The following MPRIP variants were observed in gnomAD, a reference collection of about 807,000 sequenced individuals.
MPRIP encodes myosin phosphatase Rho-interacting protein.
In MPRIP, 59 loss-of-function variants were observed where a neutral mutation model predicts 234.9. That is an observed-to-expected ratio of 0.25 (90% CI 0.20 to 0.31). The LOEUF (loss-of-function observed/expected upper bound fraction) is 0.31. Among genes scored for constraint, MPRIP ranks in the 10% least tolerant of loss-of-function variants. The probability of loss-of-function intolerance (pLI) is 1.00; values close to 1 mark genes in which losing one functional copy is unlikely to be tolerated. For synonymous variants in MPRIP, 1,144 were observed against 1,263.9 expected (o/e 0.91, Z 2.01); for missense variants, 2,436 against 3,071.0 (o/e 0.79, Z 4.89).
intron 23 of MPRIP, chr17:17,180,743 A>T: frequency 7.1e-7 from 1 of 1,407,680 alleles, no homozygotes. Flanking sequence ...TGGTTACTTT[A>T]TTTCAATTCA....
chr17:17,166,275 G>A lies in MPRIP; in HGVS notation c.4684G>A (p.Val1562Met). ...GTCTGAGTTGACAGAGCAGGAGCAG[G>A]TGAGGCTTCTTTCTGACCAGATTGC... ...SQSELTEQEQVRLLSDQIALE... is the reference protein window; with the variant it reads ...SQSELTEQEQMRLLSDQIALE... The change falls in exon 16 of 24, where the codon GTG becomes ATG. Residue 1562 changes from valine (V) to methionine (M), a missense_variant. This residue lies in a region of MPRIP where 1,998 missense variants were observed against 2,520.3 expected (regional missense o/e 0.79). Coordinates refer to ENST00000651222, the MANE Select transcript of MPRIP (RefSeq NM_001364716.4). The surrounding 1 kb of genome is among the most constrained non-coding windows in gnomAD (Gnocchi z 4.4). The A allele has an allele frequency of 1.5e-6, 2 of 1,304,360 alleles. No individual in the cohort carries two copies. Among genetic ancestry groups the A allele is most frequent in the Non-Finnish European group, 1.0e-6 (1 of 988,984 alleles). The allele number at this position is 1,304,360 out of a possible 1,614,324, so 80.8% of individuals were successfully genotyped here.
chr17:17,129,125 T>G (rs1472707514), intron 4 of MPRIP, among the ~76,000 whole-genome samples: 2 of 152,190 alleles, frequency 1.3e-5, no homozygotes, highest in African/African-American at 4.8e-5. Flanking sequence ...TAGAGGAAGT[T>G]GGCAGCTCTT....
At chr17:17,061,510 A>T (rs143830576) in intron 1 of MPRIP, among the ~76,000 whole-genome samples, 8 of 152,330 alleles carry the variant, frequency 5.3e-5, no homozygotes, top group African/African-American at 1.9e-4. Flanking sequence ...CTGCTTATGG[A>T]TCTTTCAGTG....
intron 3 of MPRIP, among the ~76,000 whole-genome samples, chr17:17,089,137 T>C (rs1212486506): frequency 6.6e-6 from 1 of 152,232 alleles, no homozygotes; most frequent in Non-Finnish European, 1.5e-5. Context: ...GGCAGGTGTG[T>C]TTGTTTCCTG....
chr17:17,139,372 C>G (rs1200978204), intron 7 of MPRIP, among the ~76,000 whole-genome samples: 1 of 152,194 alleles, frequency 6.6e-6, no homozygotes, highest in Non-Finnish European at 1.5e-5. Flanking sequence ...ATGACCTGCC[C>G]CCTCAATAAA....
At chr17:17,172,568 C>A in intron 17 of MPRIP, 130 bp from the exon 18 acceptor site, 1 of 671,698 alleles carries the variant, frequency 1.5e-6, no homozygotes, top group East Asian at 2.7e-5. Flanking sequence ...ATGCAAAATC[C>A]AACTGCTGAT....
At chr17:17,070,207 G>C (rs557436819) in intron 1 of MPRIP, among the ~76,000 whole-genome samples, 2 of 151,982 alleles carry the variant, frequency 1.3e-5, no homozygotes, top group South Asian at 2.1e-4. Flanking sequence ...TTGTCTTTTA[G>C]GTTTTTCTTT....
At chr17:17,160,428 G>A (rs771551176) in intron 14 of MPRIP, among the ~76,000 whole-genome samples, 1 of 152,214 alleles carries the variant, frequency 6.6e-6, no homozygotes, top group African/African-American at 2.4e-5. Context: ...CAGCACCCTG[G>A]GCGGCACTGG....
intron 3 of MPRIP, among the ~76,000 whole-genome samples, chr17:17,106,634 G>A (rs144305003): frequency 1.0e-3 from 157 of 152,330 alleles, no homozygotes; most frequent in African/African-American, 3.5e-3. Flanking sequence ...GGAGAGATCC[G>A]GGATGCAGAG....
rs2046339423 is a variant in MPRIP at position 17,180,035 on chromosome 17, T to C, written c.7153T>C (p.Leu2385=). ...IMKSKSNPDF[L]KKDRSCVTRQ... is the part of the protein sequence containing the mutation. ...GAAATCTAAAAGCAACCCTGACTTC[T>C]TGAAGAAAGACAGATCCTGTGTCAC... The change falls in exon 23 of 24, where the codon TTG becomes CTG. Residue 2385 remains leucine (L), a synonymous_variant. Coordinates refer to ENST00000651222, the MANE Select transcript of MPRIP (RefSeq NM_001364716.4). 2 of 1,596,350 alleles carry C rather than the reference T, an allele frequency of 1.3e-6. No homozygotes were observed. Among genetic ancestry groups the C allele is most frequent in the Non-Finnish European group, 1.7e-6 (2 of 1,175,248 alleles).
chr17:17,174,593 T>C (rs2046214603), intron 19 of MPRIP, among the ~76,000 whole-genome samples: 1 of 152,130 alleles, frequency 6.6e-6, no homozygotes, highest in Admixed American at 6.5e-5. Context: ...TCCCAGCGCT[T>C]TGGGAGGCCA....
At position 17,141,120 on chromosome 17, in the gene MPRIP, G is replaced by C. The variant is rs375226335; in HGVS notation, c.1251-1507G>C. Among the ~76,000 whole-genome samples the C allele has an allele frequency of 9.2e-5, 14 of 152,318 alleles. No individual in the cohort carries two copies. The East Asian group carries it at 2.5e-3, about 27-fold the overall frequency. ...CTGTCTGGATCCCCACAGTACCACG[G>C]CATGCGATTTGCATGAGGTTAAAGC... On this transcript the variant is annotated intron_variant, in intron 7 of 23. Coordinates refer to ENST00000651222, the MANE Select transcript of MPRIP (RefSeq NM_001364716.4).
chr17:17,154,051 T>C (rs556819980), intron 12 of MPRIP, among the ~76,000 whole-genome samples: 1 of 114,396 alleles, frequency 8.7e-6, no homozygotes, highest in South Asian at 3.3e-4. Flanking sequence ...TCAGTAACTG[T>C]GAGCTTGTTA....
chr17:17,100,080 C>G (rs2089928752), intron 3 of MPRIP, among the ~76,000 whole-genome samples: 1 of 152,146 alleles, frequency 6.6e-6, no homozygotes, highest in Non-Finnish European at 1.5e-5. Context: ...CCTTTGGTGG[C>G]TCTGACCAGG....
intron 20 of MPRIP, 72 bp downstream of exon 20, chr17:17,175,484 C>A: frequency 6.8e-7 from 1 of 1,471,220 alleles, no homozygotes; most frequent in Non-Finnish European, 9.0e-7. Flanking sequence ...CAGCATGGCC[C>A]CTGTCTTACA....
intron 1 of MPRIP, among the ~76,000 whole-genome samples, chr17:17,063,912 G>A (rs575919202): frequency 6.6e-6 from 1 of 152,220 alleles, no homozygotes; most frequent in African/African-American, 2.4e-5. Context: ...CTGGCCACCC[G>A]CTTGGGGCAG....
chr17:17,067,936 A>G (rs1012236966), intron 1 of MPRIP, among the ~76,000 whole-genome samples: 2 of 151,468 alleles, frequency 1.3e-5, no homozygotes, highest in African/African-American at 2.4e-5. Context: ...TTTCCTTAAT[A>G]GTTATATAAT....
rs2046617949 is a variant in MPRIP at position 17,192,619 on chromosome 17, CATA to C, written c.*7730_*7732del. ...TTACCTAACTTTACATAAACTATATCATAATAAACTATTTTTGCATCACCCTTT... is the reference window on the plus strand; with the variant it reads ...TTACCTAACTTTACATAAACTATATCATAAACTATTTTTGCATCACCCTTT... On this transcript the variant is annotated 3_prime_UTR_variant, in exon 24 of 24. Transcript: ENST00000651222. The C allele has an allele frequency of 6.6e-6, 1 of 152,080 alleles. No homozygotes were observed. The highest frequency in any genetic ancestry group is 6.6e-5 in the Admixed American group (1 of 15,256). The allele number at this position is 152,080 out of a possible 1,614,324, so 9.4% of individuals were successfully genotyped here.
At chr17:17,097,071 G>C (rs2089863676) in intron 3 of MPRIP, 1 of 214,952 alleles carries the variant, frequency 4.7e-6, no homozygotes, top group South Asian at 6.7e-5. Context: ...AGCAGGAAGG[G>C]AGTGTCACAT....
Sources: gnomAD v4.1 joint callset for allele counts (sites outside exome capture counted in the v4.1 genomes callset) on GRCh38, gnomAD v4.1.1 for gene constraint, gnomAD v4.1.1 regional missense constraint, Gnocchi (gnomAD v3.1) non-coding constraint, MANE v1.5 for transcripts, NCBI Gene and HGNC (gene_info 2026-07-23, HGNC 2026-07-21) for gene names.